Variants in C1QL1 observed in about 807,000 individuals in gnomAD.
C1QL1 encodes complement C1q like 1.
A neutral mutation model predicts 14.2 loss-of-function variants in C1QL1; 15 were observed. The observed-to-expected ratio is 1.06, with a 90% CI of 0.71 to 1.62. The LOEUF (loss-of-function observed/expected upper bound fraction) is 1.62, where lower values mean the gene tolerates loss of function less well. Ranked by LOEUF, C1QL1 falls within the 40% of genes most tolerant of loss-of-function variation. C1QL1 has a pLI of 0.00. For missense variants in C1QL1, 346 were observed against 380.3 expected (o/e 0.91, Z 0.75); for synonymous variants, 172 against 172.4 (o/e 1.00, Z 0.02).
intron 1 of C1QL1, among the ~76,000 whole-genome samples, chr17:44,965,742 A>G (rs2052654269): frequency 1.3e-5 from 2 of 152,220 alleles, no homozygotes; most frequent in South Asian, 4.1e-4. Context: ...GAGGTGGTGC[A>G]GGGTCTAGGG....
chr17:44,967,717 G>C lies in C1QL1; in HGVS notation c.332C>G (p.Pro111Arg). 1 of 1,609,006 alleles carries C rather than the reference G, an allele frequency of 6.2e-7. No individual in the cohort carries two copies. Among genetic ancestry groups the C allele is most frequent in the Non-Finnish European group, 8.5e-7 (1 of 1,178,750 alleles). ...GATGGCGCCGCTGCCCCCCGCGCCC[G>C]GCAGCCCCGGAGGGCCCGGCTTGCC... ...EPGKPGPPGL[P>R]GAGGSGAIST... is the part of the protein sequence containing the mutation. Residue 111 changes from proline (P) to arginine (R), a missense_variant, in exon 1 of 2, where the codon CCG becomes CGG. Coordinates refer to ENST00000253407, the MANE Select transcript of C1QL1 (RefSeq NM_006688.5). This position sits in a 1 kb window ranked among gnomAD's most constrained non-coding sequence, Gnocchi z 7.0.
rs1178010525 is a variant in C1QL1, at chr17:44,960,189, C to T, written c.776G>A (p.Ter259=). The T allele has an allele frequency of 3.7e-6, 6 of 1,613,696 alleles. No homozygotes were observed. Among genetic ancestry groups the T allele is most frequent in the Non-Finnish European group, 5.1e-6 (6 of 1,179,818 alleles). ...TGGGTGGAGGGAGACGTGGGGAGCTCAGTCGGAGTAGATGATGAAGCCAGA... is the reference window on the plus strand; with the variant it reads ...TGGGTGGAGGGAGACGTGGGGAGCTTAGTCGGAGTAGATGATGAAGCCAGA... ...TFSGFIIYSD[*] The change falls in exon 2 of 2, where the codon TGA becomes TAA. Residue 259 remains the stop codon, a stop_retained_variant. Coordinates refer to ENST00000253407, the MANE Select transcript of C1QL1 (RefSeq NM_006688.5).
chr17:44,959,974 C>T lies in C1QL1; in HGVS notation c.*214G>A. 1.8e-6 allele frequency: 1 copy of T among 564,290 alleles called. No homozygotes were observed. Among genetic ancestry groups the T allele is most frequent in the East Asian group, 3.2e-5 (1 of 31,698 alleles). The allele number at this position is 564,290 out of a possible 1,614,324, so 35.0% of individuals were successfully genotyped here. A position where few individuals can be genotyped will look rare whatever the true frequency, so the allele number is the denominator to read the frequency against. Reference sequence around the variant, plus strand: ...GGGCGGGGGCGGTCAACCCCGGTTCCCTGGCACGGGGACAGGGCGCGCTGG... The same window carrying T: ...GGGCGGGGGCGGTCAACCCCGGTTCTCTGGCACGGGGACAGGGCGCGCTGG... On this transcript the variant is annotated 3_prime_UTR_variant, in exon 2 of 2. Coordinates refer to ENST00000253407, the MANE Select transcript of C1QL1 (RefSeq NM_006688.5).
intron 1 of C1QL1, among the ~76,000 whole-genome samples, chr17:44,965,947 T>C (rs938534608): frequency 3.3e-5 from 5 of 152,222 alleles, no homozygotes; most frequent in Admixed American, 3.3e-4. Context: ...TGCTGGATAC[T>C]GGGGCCTCCC....
At position 44,959,924 on chromosome 17, in the gene C1QL1, A is replaced by G. The variant is rs767693466; in HGVS notation, c.*264T>C. On this transcript the variant is annotated 3_prime_UTR_variant, in exon 2 of 2. Coordinates refer to ENST00000253407, the MANE Select transcript of C1QL1 (RefSeq NM_006688.5). ...GCGGAGGTGGGCAGTAAACAGTCCT[A>G]TTGTACAAATATATAGCGCGGGCTG... The G allele has an allele frequency of 9.7e-6, 4 of 414,454 alleles. No individual in the cohort carries two copies. The highest frequency in any genetic ancestry group is 2.6e-5 in the South Asian group (1 of 38,294). The allele number at this position is 414,454 out of a possible 1,614,324, so 25.7% of individuals were successfully genotyped here.
At position 44,968,004 on chromosome 17, in the gene C1QL1, C is replaced by G. The variant is rs1349316807; in HGVS notation, c.45G>C (p.Ser15=). The stretch of plus-strand genomic sequence containing the variant: ...TCTCATAGTGGCCTTCCGGGCCGCC[C>G]GAGCTCACCAGCACGGGGATGAGCA... ...LVVLIPVLVS[S]GGPEGHYEML... The change falls in exon 1 of 2, where the codon TCG becomes TCC. Residue 15 remains serine (S), a synonymous_variant. Transcript: ENST00000253407. 2 of 1,389,204 alleles carry G rather than the reference C, an allele frequency of 1.4e-6. No homozygotes were observed. The highest frequency in any genetic ancestry group is 1.9e-6 in the Non-Finnish European group (2 of 1,067,514). The allele number at this position is 1,389,204 out of a possible 1,614,324, so 86.1% of individuals were successfully genotyped here.
intron 1 of C1QL1, among the ~76,000 whole-genome samples, chr17:44,961,186 C>G (rs1010540193): frequency 6.6e-6 from 1 of 152,188 alleles, no homozygotes; most frequent in Non-Finnish European, 1.5e-5. Flanking sequence ...CCTTGCTGGT[C>G]CCTGCCTTGA....
rs2052660925 is a variant in C1QL1 at position 44,967,069 on chromosome 17, G to A, written c.597+383C>T. Among the ~76,000 whole-genome samples the A allele has an allele frequency of 6.6e-6, 1 of 152,158 alleles. No individual in the cohort carries two copies. The highest frequency in any genetic ancestry group is 1.5e-5 in the Non-Finnish European group (1 of 68,012). On this transcript the variant is annotated intron_variant, in intron 1 of 1. Transcript: ENST00000253407. This position sits in a 1 kb window ranked among gnomAD's most constrained non-coding sequence, Gnocchi z 7.0. ...GATGCTGCTTCTCCCTGTTCCATAC[G>A]CCAGAGCCCATCCTTGCCCTCCCCT... is the stretch of plus-strand genomic sequence containing the variant.
intron 1 of C1QL1, among the ~76,000 whole-genome samples, chr17:44,962,012 G>A (rs557788936): frequency 2.0e-5 from 3 of 152,162 alleles, no homozygotes; most frequent in South Asian, 4.2e-4. Flanking sequence ...TTTGAGGATC[G>A]GGGCCTCTCC....
chr17:44,967,547 A>C lies in C1QL1; in HGVS notation c.502T>G (p.Cys168Gly). ...NYDAASGKFTCNIPGTYFFTY... is the reference protein window; with the variant it reads ...NYDAASGKFTGNIPGTYFFTY... ...AAAAAGTAGGTGCCGGGAATGTTGC[A>C]CGTAAACTTGCCGCTGGCCGCGTCG... The change falls in exon 1 of 2, where the codon TGC becomes GGC. Residue 168 changes from cysteine to glycine, a missense_variant. By Grantham distance (159) the Cys-to-Gly change is radical. Transcript: ENST00000253407. This position sits in a 1 kb window ranked among gnomAD's most constrained non-coding sequence, Gnocchi z 7.0. 2 of 1,614,086 alleles carry C rather than the reference A, an allele frequency of 1.2e-6. No homozygotes were observed.
At chr17:44,962,772 T>G (rs1261377612) in intron 1 of C1QL1, among the ~76,000 whole-genome samples, 1 of 152,220 alleles carries the variant, frequency 6.6e-6, no homozygotes, top group African/African-American at 2.4e-5. Context: ...ATTAAAACAG[T>G]GTGCTCCTTA....
At chr17:44,960,439 C>T (rs1347993531) in intron 1 of C1QL1, 72 bp from the exon 2 acceptor site, 24 of 1,106,032 alleles carry the variant, frequency 2.2e-5, no homozygotes, top group Non-Finnish European at 3.1e-5. Context: ...TGAGGCAGTC[C>T]CGTGGGGGAG....
rs2052660925 is a variant in C1QL1 at position 44,967,069 on chromosome 17, G to T, written c.597+383C>A. Among the ~76,000 whole-genome samples the T allele has an allele frequency of 6.6e-6, 1 of 152,158 alleles. No individual in the cohort carries two copies. Among genetic ancestry groups the T allele is most frequent in the Admixed American group, 6.5e-5 (1 of 15,280 alleles). ...GATGCTGCTTCTCCCTGTTCCATACGCCAGAGCCCATCCTTGCCCTCCCCT... is the reference window on the plus strand; with the variant it reads ...GATGCTGCTTCTCCCTGTTCCATACTCCAGAGCCCATCCTTGCCCTCCCCT... On this transcript the variant is annotated intron_variant, in intron 1 of 1. Coordinates refer to ENST00000253407, the MANE Select transcript of C1QL1 (RefSeq NM_006688.5). The surrounding 1 kb of genome is among the most constrained non-coding windows in gnomAD (Gnocchi z 7.0).
chr17:44,966,014 C>G (rs3024274), intron 1 of C1QL1, among the ~76,000 whole-genome samples: 1 of 152,060 alleles, frequency 6.6e-6, no homozygotes, highest in Non-Finnish European at 1.5e-5. Flanking sequence ...GATAGACACA[C>G]GTGGGAAAGA....
chr17:44,967,401 C>A lies in C1QL1; in HGVS notation c.597+51G>T. 1.9e-6 allele frequency: 3 copies of A among 1,572,798 alleles called. No homozygotes were observed. Among genetic ancestry groups the A allele is most frequent in the Admixed American group, 1.8e-5 (1 of 54,972 alleles). On this transcript the variant is annotated intron_variant, in intron 1 of 1. Coordinates refer to ENST00000253407, the MANE Select transcript of C1QL1 (RefSeq NM_006688.5). This position sits in a 1 kb window ranked among gnomAD's most constrained non-coding sequence, Gnocchi z 7.0. Reference sequence around the variant, plus strand: ...CGATCAGGTACCCATTTGCCCCGGGCTCCCTGGGTGCCCTGGGCCCAGCCC... The same window carrying A: ...CGATCAGGTACCCATTTGCCCCGGGATCCCTGGGTGCCCTGGGCCCAGCCC...
rs745458814 is a variant in C1QL1, at chr17:44,960,384, C to A, written c.598-17G>T. 1.2e-6 allele frequency: 2 copies of A among 1,600,782 alleles called. No homozygotes were observed. Among genetic ancestry groups the A allele is most frequent in the African/African-American group, 1.3e-5 (1 of 74,490 alleles). On this transcript the variant is annotated splice_polypyrimidine_tract_variant and intron_variant, in intron 1 of 1. Coordinates refer to ENST00000253407, the MANE Select transcript of C1QL1 (RefSeq NM_006688.5). ...GGCCCGCACCTGCGGGTGGGGGACA[C>A]GGGAGGGAGGGCGAGAGGAGAGAGA...
chr17:44,967,638 C>A lies in C1QL1; in HGVS notation c.411G>T (p.Lys137Asn). The change falls in exon 1 of 2, where the codon AAG becomes AAT. Residue 137 changes from lysine (K) to asparagine (N), a missense_variant. Transcript: ENST00000253407. The surrounding 1 kb of genome is among the most constrained non-coding windows in gnomAD (Gnocchi z 7.0). Reference sequence around the variant, plus strand: ...GTACCTCGTAACCCTCGTGGGGGTTCTTGAGGCCGGCGTAGAAGGCCACGC... The same window carrying A: ...GTACCTCGTAACCCTCGTGGGGGTTATTGAGGCCGGCGTAGAAGGCCACGC... ...VPRVAFYAGL[K>N]NPHEGYEVLK... 6.2e-7 allele frequency: 1 copy of A among 1,613,890 alleles called. No individual in the cohort carries two copies. Among genetic ancestry groups the A allele is most frequent in the Non-Finnish European group, 8.5e-7 (1 of 1,179,920 alleles).
rs1327324357 is a variant in C1QL1 at position 44,967,365 on chromosome 17, CCCG to C, written c.597+84_597+86del. ...TCTCCACCTGCGTCCGCCTGGCGCC[CCCG>C]CCAACTCCGATCAGGTACCCATTTG... On this transcript the variant is annotated intron_variant, in intron 1 of 1. Coordinates refer to ENST00000253407, the MANE Select transcript of C1QL1 (RefSeq NM_006688.5). This position sits in a 1 kb window ranked among gnomAD's most constrained non-coding sequence, Gnocchi z 7.0. The C allele has an allele frequency of 1.4e-6, 2 of 1,389,136 alleles. No homozygotes were observed. Among genetic ancestry groups the C allele is most frequent in the Admixed American group, 2.2e-5 (1 of 44,694 alleles). 86.1% of individuals were successfully genotyped at this position (1,389,136 alleles called of 1,614,324 possible). A position where few individuals can be genotyped will look rare whatever the true frequency, so the allele number is the denominator to read the frequency against.
chr17:44,962,603 A>T (rs1019764366), intron 1 of C1QL1, among the ~76,000 whole-genome samples: 1 of 152,216 alleles, frequency 6.6e-6, no homozygotes, highest in Non-Finnish European at 1.5e-5. Flanking sequence ...GCTTTGAGTT[A>T]TTAGGGAAGA....
Sources: gnomAD v4.1 joint callset for allele counts (sites outside exome capture counted in the v4.1 genomes callset) on GRCh38, gnomAD v4.1.1 for gene constraint, Gnocchi (gnomAD v3.1) non-coding constraint, MANE v1.5 for transcripts, NCBI Gene and HGNC (gene_info 2026-07-23, HGNC 2026-07-21) for gene names.